The following VGLL1 variants were observed in gnomAD, a reference collection of about 807,000 sequenced individuals.
The protein encoded by VGLL1 is vestigial like family member 1, also known as transcription cofactor vestigial-like protein 1.
In VGLL1, 4 loss-of-function variants were observed where a neutral mutation model predicts 12.0. That is an observed-to-expected ratio of 0.33 (90% CI 0.16 to 0.76). VGLL1 has a LOEUF of 0.76. Among genes scored for constraint, VGLL1 ranks in the 30% least tolerant of loss-of-function variants. The pLI is 0.60. For missense variants in VGLL1, 204 were observed against 208.7 expected, an observed-to-expected ratio of 0.98 and a Z score of 0.14; for synonymous variants, 87 against 81.2, an observed-to-expected ratio of 1.07 and a Z score of -0.39.
intron 4 of VGLL1, 50 bp downstream of exon 4, chrX:136,550,871 G>C (rs758120673): frequency 1.8e-6 from 2 of 1,101,797 alleles, no homozygotes; most frequent in Admixed American, 2.2e-5. Context: ...TCCTGAGAAC[G>C]AACTTGAGAA....
chrX:136,543,115 A>T (rs1286748717), intron 2 of VGLL1, among the ~76,000 whole-genome samples: 1 of 111,665 alleles, frequency 9.0e-6, no homozygotes, highest in Non-Finnish European at 1.9e-5. Flanking sequence ...AGCATTTCGA[A>T]TACTAGCTCA....
intron 1 of VGLL1, among the ~76,000 whole-genome samples, chrX:136,532,635 TTCTTTC>T (rs2075827443): frequency 1.0e-5 from 1 of 98,318 alleles, no homozygotes; most frequent in Non-Finnish European, 2.0e-5. Context: ...CTTTCTTTCT[TTCTTTC>T]TTTCTTTCTT....
chrX:136,541,717 G>A (rs2075856514), intron 2 of VGLL1, among the ~76,000 whole-genome samples: 1 of 111,993 alleles, frequency 8.9e-6, no homozygotes, highest in Non-Finnish European at 1.9e-5. Flanking sequence ...TCCCATGGCC[G>A]ACTCGCCCAC....
At chrX:136,554,761 T>C (rs5975747) in intron 4 of VGLL1, among the ~76,000 whole-genome samples, 28,539 of 111,203 alleles carry the variant, frequency 0.26, 4,473 homozygotes, top group African/African-American at 0.59. Flanking sequence ...GGCAAAGAAA[T>C]GGGAAGAATC....
intron 2 of VGLL1, 76 bp downstream of exon 2, chrX:136,536,310 T>G: frequency 2.0e-6 from 2 of 1,008,266 alleles, no homozygotes; most frequent in Non-Finnish European, 2.8e-6. Flanking sequence ...TTGATGTACT[T>G]GACACACTTG....
At chrX:136,539,087 G>C (rs758132358) in intron 2 of VGLL1, among the ~76,000 whole-genome samples, 79 of 111,654 alleles carry the variant, frequency 7.1e-4, no homozygotes, top group African/African-American at 2.6e-3. Context: ...CAAAATCTCG[G>C]GCAGTTAATA....
intron 2 of VGLL1, among the ~76,000 whole-genome samples, chrX:136,545,024 T>C (rs968648710): frequency 1.8e-5 from 2 of 112,380 alleles, no homozygotes; most frequent in African/African-American, 6.5e-5. Flanking sequence ...ACTGAAATGA[T>C]GAATAATAAC....
chrX:136,551,084 T>TTTCC, intron 4 of VGLL1: 1 of 294,752 alleles, frequency 3.4e-6, no homozygotes, highest in Non-Finnish European at 5.9e-6. Context: ...TCTTTTTTCT[T>TTTCC]TTCTTTCTTT....
chrX:136,542,620 G>T (rs2075859727), intron 2 of VGLL1, among the ~76,000 whole-genome samples: 1 of 112,327 alleles, frequency 8.9e-6, no homozygotes, highest in Non-Finnish European at 1.9e-5. Context: ...CTGCATGTTG[G>T]TTGTGCTTCA....
chrX:136,538,560 G>T (rs951681146), intron 2 of VGLL1, among the ~76,000 whole-genome samples: 21 of 111,981 alleles, frequency 1.9e-4, no homozygotes, highest in Non-Finnish European at 1.3e-4. Flanking sequence ...CTTTATTGGT[G>T]TTGGTGAGTG....
At chrX:136,535,926 A>C in intron 1 of VGLL1, 70 bp from the exon 2 acceptor site, 1 of 943,323 alleles carries the variant, frequency 1.1e-6, no homozygotes, top group Non-Finnish European at 1.5e-6. Context: ...CCCCAAGGAC[A>C]CTGCTCACCC....
intron 4 of VGLL1, among the ~76,000 whole-genome samples, chrX:136,552,005 G>T (rs1157674768): frequency 2.7e-5 from 3 of 111,331 alleles, no homozygotes; most frequent in African/African-American, 9.8e-5. Flanking sequence ...GTGAAGTAGG[G>T]GTGAGGGCAA....
intron 2 of VGLL1, among the ~76,000 whole-genome samples, chrX:136,543,371 A>G (rs769485025): frequency 1.8e-5 from 2 of 111,871 alleles, no homozygotes; most frequent in African/African-American, 6.5e-5. Context: ...TGCCACCAGC[A>G]AAGAGGGCAG....
chrX:136,539,637 AT>A (rs2075850308), intron 2 of VGLL1, among the ~76,000 whole-genome samples: 1 of 111,064 alleles, frequency 9.0e-6, no homozygotes, highest in Non-Finnish European at 1.9e-5. Context: ...ACTTCTAAAC[AT>A]TTCAGGGCCC....
intron 4 of VGLL1, 98 bp downstream of exon 4, chrX:136,550,919 T>C (rs2075884201): frequency 1.3e-6 from 1 of 762,371 alleles, no homozygotes; most frequent in Admixed American, 2.4e-5. Context: ...ACTGGTAGTA[T>C]AAAACCCAGA....
intron 1 of VGLL1, among the ~76,000 whole-genome samples, chrX:136,534,282 G>A (rs1472057970): frequency 8.9e-6 from 1 of 112,294 alleles, no homozygotes; most frequent in Non-Finnish European, 1.9e-5. Flanking sequence ...CAACACCCCT[G>A]AGGGCTCCCT....
At position 136,548,654 on chromosome X, in the gene VGLL1, C is replaced by G. The variant is rs770901252; in HGVS notation, c.280C>G (p.Pro94Ala). The change falls in exon 3 of 5, where the codon CCT becomes GCT. Residue 94 changes from proline to alanine, a missense_variant. Pro to Ala is a conservative substitution (Grantham distance 27). Transcript: ENST00000370634. ...SPWTKPQPEVPVTNRAANCNL... is the reference protein window; with the variant it reads ...SPWTKPQPEVAVTNRAANCNL... ...ATGGACAAAGCCACAACCAGAAGTA[C>G]CTGTCACAAACCGTGCCGCCAACTG... is the stretch of plus-strand genomic sequence containing the variant. 2.6e-5 allele frequency: 31 copies of G among 1,210,542 alleles called. No individual in the cohort carries two copies. Among genetic ancestry groups the G allele is most frequent in the Non-Finnish European group, 3.2e-5 (29 of 895,346 alleles).
chrX:136,532,589 C>A (rs773465025), intron 1 of VGLL1, among the ~76,000 whole-genome samples: 209 of 39,441 alleles, frequency 5.3e-3, no homozygotes, highest in Non-Finnish European at 5.7e-3. Context: ...TTCTTTCTTT[C>A]TTTCTTTCTT....
rs373388404 is a variant in VGLL1, at chrX:136,550,933, T to G, written c.688+112T>G. On this transcript the variant is annotated intron_variant, in intron 4 of 4. Transcript: ENST00000370634. ...CACTGGTAGTATAAAACCCAGAGTC[T>G]CCAGTAATGGACGGGAGCCTTATTT... is the stretch of plus-strand genomic sequence containing the variant. 2.3e-5 allele frequency: 15 copies of G among 647,592 alleles called. No individual in the cohort carries two copies. In the African/African-American group the frequency reaches 3.1e-4, roughly 14 times the overall value. 53.4% of individuals were successfully genotyped at this position (647,592 alleles called of 1,213,427 possible).
Sources: gnomAD v4.1 joint callset for allele counts (sites outside exome capture counted in the v4.1 genomes callset) on GRCh38, gnomAD v4.1.1 for gene constraint, MANE v1.5 for transcripts, NCBI Gene and HGNC (gene_info 2026-07-23, HGNC 2026-07-21) for gene names.